The following MDFIC2 variants were observed in gnomAD, a reference collection of about 807,000 sequenced individuals.
MDFIC2 encodes MyoD family inhibitor domain containing 2.
intron 2 of MDFIC2, among the ~76,000 whole-genome samples, chr3:70,250,598 T>C (rs1361213889): frequency 6.6e-6 from 1 of 152,170 alleles, no homozygotes; most frequent in Admixed American, 6.6e-5. Flanking sequence ...GCAGCCAGTT[T>C]GGCAAAGGTT....
chr3:70,282,556 T>G (rs4498002), intron 2 of MDFIC2, among the ~76,000 whole-genome samples: 65,252 of 152,012 alleles, frequency 0.43, 14,548 homozygotes, highest in East Asian at 0.8. Context: ...CTTTGAACAT[T>G]CCAAGCAGTC....
intron 2 of MDFIC2, among the ~76,000 whole-genome samples, chr3:70,225,663 C>A (rs984889555): frequency 1.3e-5 from 2 of 152,148 alleles, no homozygotes; most frequent in African/African-American, 4.8e-5. Context: ...CACTGTTTCC[C>A]TTCTAGATCA....
rs1028865805 is a variant in MDFIC2, at chr3:70,195,205, T to C, written c.*1721A>G. On this transcript the variant is annotated 3_prime_UTR_variant, in exon 4 of 4. Coordinates refer to ENST00000567252, the MANE Select transcript of MDFIC2 (RefSeq NM_001364677.1). ...ACAGCCTTATGTTCCCTTCCTGTTC[T>C]AGGAATCTATTTTTTTTTCTTCTAA... 6.6e-6 allele frequency among the ~76,000 whole-genome samples: 1 copy of C among 152,178 alleles called. No individual in the cohort carries two copies. Among genetic ancestry groups the C allele is most frequent in the African/African-American group, 2.4e-5 (1 of 41,444 alleles).
rs1701292690 is a variant in MDFIC2, at chr3:70,206,586, T to C, written c.293A>G (p.His98Arg). The change falls in exon 3 of 4, where the codon CAT (histidine) becomes CGT (arginine). Residue 98 changes from histidine (H) to arginine (R), a missense_variant. Physicochemically the swap from His to Arg is conservative, Grantham distance 29. Transcript: ENST00000567252. Reference protein sequence around the residue: ...FSYLQTDTSVHHRDTDEECAS... With the variant: ...FSYLQTDTSVRHRDTDEECAS... ...AAACATACCATCAGTGTCTCTGTGA[T>C]GAACTGAAGTATCAGTTTGGAGGTA... The C allele has an allele frequency of 5.0e-6, 2 of 397,710 alleles. No individual in the cohort carries two copies. Among genetic ancestry groups the C allele is most frequent in the South Asian group, 1.3e-4 (1 of 7,858 alleles). 24.6% of individuals were successfully genotyped at this position (397,710 alleles called of 1,614,324 possible). A position where few individuals can be genotyped will look rare whatever the true frequency, so the allele number is the denominator to read the frequency against.
At chr3:70,249,306 T>A (rs1447451006) in intron 2 of MDFIC2, 1 of 152,154 alleles carries the variant, frequency 6.6e-6, no homozygotes, top group Admixed American at 6.6e-5. Context: ...TTCTTTCTGA[T>A]GGAAGTTATA....
At chr3:70,264,910 A>G (rs1334780870) in intron 2 of MDFIC2, among the ~76,000 whole-genome samples, 1 of 152,214 alleles carries the variant, frequency 6.6e-6, no homozygotes, top group East Asian at 1.9e-4. Context: ...TAATTGACTC[A>G]TAGTTCCACA....
At chr3:70,261,914 C>T (rs1344075532) in intron 2 of MDFIC2, among the ~76,000 whole-genome samples, 1 of 152,060 alleles carries the variant, frequency 6.6e-6, no homozygotes, top group Non-Finnish European at 1.5e-5. Context: ...TGTTTCATAC[C>T]TTACCATAAA....
At chr3:70,210,053 A>G (rs531557124) in intron 2 of MDFIC2, among the ~76,000 whole-genome samples, 2 of 152,256 alleles carry the variant, frequency 1.3e-5, no homozygotes, top group African/African-American at 4.8e-5. Flanking sequence ...GTCAGGCTGC[A>G]TGTAATTTAA....
intron 2 of MDFIC2, among the ~76,000 whole-genome samples, chr3:70,252,104 GC>G (rs1701774858): frequency 6.6e-6 from 1 of 152,186 alleles, no homozygotes; most frequent in African/African-American, 2.4e-5. Flanking sequence ...TGAAGCTGCA[GC>G]TTGAATTCAG....
intron 2 of MDFIC2, among the ~76,000 whole-genome samples, chr3:70,234,542 A>C (rs920718307): frequency 6.6e-6 from 1 of 151,500 alleles, no homozygotes; most frequent in Non-Finnish European, 1.5e-5. Context: ...CCAGAGGCTG[A>C]GGTGGGAGGA....
chr3:70,255,387 T>G (rs1357268), intron 2 of MDFIC2, among the ~76,000 whole-genome samples: 2 of 152,094 alleles, frequency 1.3e-5, no homozygotes, highest in African/African-American at 4.8e-5. Flanking sequence ...TCATAATAAG[T>G]AGATATGGAA....
At chr3:70,252,282 C>G (rs192981133) in intron 2 of MDFIC2, among the ~76,000 whole-genome samples, 1 of 152,086 alleles carries the variant, frequency 6.6e-6, no homozygotes, top group East Asian at 1.9e-4. Flanking sequence ...GTATATGTAT[C>G]GTATGCTGTG....
intron 2 of MDFIC2, chr3:70,249,818 A>G (rs1358431036): frequency 6.6e-6 from 1 of 152,138 alleles, no homozygotes; most frequent in East Asian, 1.9e-4. Context: ...TCAAATTGTA[A>G]CCACTGATGC....
intron 3 of MDFIC2, among the ~76,000 whole-genome samples, chr3:70,200,833 C>T (rs1396356989): frequency 6.6e-6 from 1 of 152,028 alleles, no homozygotes; most frequent in Admixed American, 6.6e-5. Flanking sequence ...TAAATCCTAC[C>T]AACTGTAAGA....
chr3:70,226,699 C>T (rs2106740974), intron 2 of MDFIC2, among the ~76,000 whole-genome samples: 1 of 148,452 alleles, frequency 6.7e-6, no homozygotes, highest in South Asian at 2.1e-4. Context: ...TATCGTGCCA[C>T]TCCACTCCAG....
At chr3:70,197,718 C>T (rs1023288163) in intron 3 of MDFIC2, among the ~76,000 whole-genome samples, 1 of 152,188 alleles carries the variant, frequency 6.6e-6, no homozygotes, top group African/African-American at 2.4e-5. Context: ...AATATAAATG[C>T]TTTTTAAAAT....
chr3:70,272,424 GTGT>G (rs1163674418), intron 2 of MDFIC2: 2 of 152,142 alleles, frequency 1.3e-5, no homozygotes, highest in Admixed American at 1.3e-4. Context: ...AGGTTCATCC[GTGT>G]TGTTGAGTTC....
chr3:70,203,383 T>C (rs1701259864), intron 3 of MDFIC2, among the ~76,000 whole-genome samples: 1 of 152,114 alleles, frequency 6.6e-6, no homozygotes, highest in Non-Finnish European at 1.5e-5. Flanking sequence ...TGGGAATAAA[T>C]AAAGAGTGAT....
intron 2 of MDFIC2, among the ~76,000 whole-genome samples, chr3:70,299,504 C>T (rs1702325627): frequency 6.6e-6 from 1 of 152,038 alleles, no homozygotes; most frequent in African/African-American, 2.4e-5. Context: ...CCATTGAATC[C>T]AGAAATCTCT....
Sources: gnomAD v4.1 joint callset for allele counts (sites outside exome capture counted in the v4.1 genomes callset) on GRCh38, gnomAD v4.1.1 for gene constraint, MANE v1.5 for transcripts, NCBI Gene and HGNC (gene_info 2026-07-23, HGNC 2026-07-21) for gene names.